SMARCA4: variants seen among roughly 807,000 people sequenced by gnomAD.
SMARCA4 encodes SWI/SNF-related matrix-associated actin-dependent regulator of chromatin subfamily A member 4.
In SMARCA4, 31 loss-of-function variants were observed where a neutral mutation model predicts 193.9. That is an observed-to-expected ratio of 0.16 (90% CI 0.12 to 0.22). SMARCA4 has a LOEUF of 0.22. Ranked by LOEUF, SMARCA4 falls within the 10% of genes least tolerant of loss-of-function variation. SMARCA4 has a pLI of 1.00. For missense variants in SMARCA4, 1,148 were observed against 2,296.0 expected, an observed-to-expected ratio of 0.50 and a Z score of 10.22; for synonymous variants, 942 against 933.1, an observed-to-expected ratio of 1.01 and a Z score of -0.17.
chr19:10,976,820 C>G (rs1410082269), intron 1 of SMARCA4, among the ~76,000 whole-genome samples: 1 of 143,272 alleles, frequency 7.0e-6, no homozygotes, highest in African/African-American at 2.6e-5. Context: ...TTTGGGAGGC[C>G]GAGGCAGGCG....
At position 10,985,309 on chromosome 19, in the gene SMARCA4, G is replaced by A. The variant is rs1366085446; in HGVS notation, c.259G>A (p.Asp87Asn). The A allele has an allele frequency of 1.2e-6, 2 of 1,614,020 alleles. No individual in the cohort carries two copies. Among genetic ancestry groups the A allele is most frequent in the Non-Finnish European group, 1.7e-6 (2 of 1,180,006 alleles). Residue 87 changes from aspartate to asparagine, a missense_variant, in exon 3 of 35, where the codon GAC (aspartate) becomes AAC (asparagine). Asp to Asn is a conservative substitution (Grantham distance 23). Coordinates refer to ENST00000344626, the MANE Select transcript of SMARCA4 (RefSeq NM_003072.5). The surrounding 1 kb of genome is among the most constrained non-coding windows in gnomAD (Gnocchi z 4.5). ...ESMHEKGMSD[D>N]PRYNQMKGMG... Reference sequence around the variant, plus strand: ...CATGCATGAGAAGGGCATGTCGGACGACCCGCGCTACAACCAGATGAAAGG... The same window carrying A: ...CATGCATGAGAAGGGCATGTCGGACAACCCGCGCTACAACCAGATGAAAGG...
chr19:10,992,618 C>T (rs1473745065), intron 8 of SMARCA4, among the ~76,000 whole-genome samples: 1 of 151,304 alleles, frequency 6.6e-6, no homozygotes, highest in Non-Finnish European at 1.5e-5. Flanking sequence ...GACAGAGTTT[C>T]ACTCTTGTTG....
At chr19:10,976,266 C>T (rs957610470) in intron 1 of SMARCA4, among the ~76,000 whole-genome samples, 1 of 152,154 alleles carries the variant, frequency 6.6e-6, no homozygotes, top group African/African-American at 2.4e-5. Flanking sequence ...TGGCCGTGCT[C>T]GTTTGGCCTT....
rs2075575227 is a variant in SMARCA4, at chr19:11,041,047, T to G, written c.4171-260T>G. The G allele has an allele frequency of 1.9e-6, 1 of 515,884 alleles. No homozygotes were observed. Among genetic ancestry groups the G allele is most frequent in the African/African-American group, 1.9e-5 (1 of 52,502 alleles). 32.0% of individuals were successfully genotyped at this position (515,884 alleles called of 1,614,324 possible). ...TACAGAGAAGATAGTTCTTTTTTTTTGGTCAAGAAATTCAACCATTAGTTT... is the reference window on the plus strand; with the variant it reads ...TACAGAGAAGATAGTTCTTTTTTTTGGGTCAAGAAATTCAACCATTAGTTT... On this transcript the variant is annotated intron_variant, in intron 29 of 34. Coordinates refer to ENST00000344626, the MANE Select transcript of SMARCA4 (RefSeq NM_003072.5). This position sits in a 1 kb window ranked among gnomAD's most constrained non-coding sequence, Gnocchi z 5.6.
chr19:11,027,698 CG>C, intron 23 of SMARCA4, 85 bp from the exon 24 acceptor site: 1 of 1,461,184 alleles, frequency 6.8e-7, no homozygotes, highest in Non-Finnish European at 9.6e-7. Context: ...GGCCTGGAGG[CG>C]GGCGATGCAC....
chr19:10,987,868 C>T lies in SMARCA4; in HGVS notation c.1062C>T (p.Pro354=), dbSNP rs1555755238. The T allele has an allele frequency of 1.2e-6, 2 of 1,612,990 alleles. No individual in the cohort carries two copies. The change falls in exon 6 of 35, where the codon CCC becomes CCT. Residue 354 remains proline, a synonymous_variant. Coordinates refer to ENST00000344626, the MANE Select transcript of SMARCA4 (RefSeq NM_003072.5). This position sits in a 1 kb window ranked among gnomAD's most constrained non-coding sequence, Gnocchi z 5.3. ...PLHQKQSRIT[P]IQKPRGLDPV... ...ACCAGAAGCAGAGCCGCATCACCCC[C>T]ATCCAGAAGCCGCGGGGCCTCGACC...
chr19:11,024,650 C>G (rs895119299), intron 21 of SMARCA4, among the ~76,000 whole-genome samples: 7 of 152,150 alleles, frequency 4.6e-5, no homozygotes, highest in Admixed American at 4.6e-4. Flanking sequence ...GAAACACTGG[C>G]TCCTTCTGCA....
intron 19 of SMARCA4, among the ~76,000 whole-genome samples, chr19:11,023,239 G>A (rs967589524): frequency 6.6e-6 from 1 of 152,228 alleles, no homozygotes; most frequent in Non-Finnish European, 1.5e-5. Flanking sequence ...GCTGCCGGGG[G>A]TCTTTCTGGT....
intron 14 of SMARCA4, among the ~76,000 whole-genome samples, chr19:11,009,728 G>A (rs1037671448): frequency 1.0e-4 from 14 of 133,812 alleles, no homozygotes; most frequent in Non-Finnish European, 1.7e-4. Flanking sequence ...TTGCTCTGTC[G>A]CCCAGGCTAG....
chr19:11,026,468 CAGA>C, intron 23 of SMARCA4, 122 bp downstream of exon 23: 2 of 710,516 alleles, frequency 2.8e-6, no homozygotes, highest in Middle Eastern at 2.4e-4. Flanking sequence ...TTAGAAAATA[CAGA>C]AGAATCCAAA....
chr19:11,028,876 C>T (rs1022892209), intron 24 of SMARCA4, among the ~76,000 whole-genome samples: 1 of 152,196 alleles, frequency 6.6e-6, no homozygotes, highest in Non-Finnish European at 1.5e-5. Flanking sequence ...TTTGTTGTTC[C>T]CTACACGACC....
rs568182964 is a variant in SMARCA4, at chr19:11,034,629, G to A, written c.3952-285G>A. Among the ~76,000 whole-genome samples the A allele has an allele frequency of 6.6e-6, 1 of 152,122 alleles. No individual in the cohort carries two copies. Among genetic ancestry groups the A allele is most frequent in the Non-Finnish European group, 1.5e-5 (1 of 68,016 alleles). ...CCGCAGGCCTCATGCCTCCACCAAC[G>A]CTGGGCCACGCAGCTGCTGCCCCCC... On this transcript the variant is annotated intron_variant, in intron 28 of 34. Transcript: ENST00000344626. The surrounding 1 kb of genome is among the most constrained non-coding windows in gnomAD (Gnocchi z 7.0).
intron 14 of SMARCA4, among the ~76,000 whole-genome samples, chr19:11,009,849 C>T (rs1373450154): frequency 4.6e-5 from 7 of 152,112 alleles, no homozygotes; most frequent in Non-Finnish European, 8.8e-5. Context: ...CCACCACGCC[C>T]GGCTAATTTT....
intron 16 of SMARCA4, among the ~76,000 whole-genome samples, chr19:11,014,415 G>A (rs1041252304): frequency 9.2e-5 from 14 of 152,204 alleles, no homozygotes; most frequent in African/African-American, 1.2e-4. Flanking sequence ...CCTACGTGGC[G>A]GGTAGAACAG....
chr19:11,045,339 C>G (rs923413953), intron 30 of SMARCA4, among the ~76,000 whole-genome samples: 2 of 152,014 alleles, frequency 1.3e-5, no homozygotes, highest in Non-Finnish European at 2.9e-5. Flanking sequence ...AGAGGGCCTA[C>G]TGTGTGCCTC....
At position 11,031,298 on chromosome 19, in the gene SMARCA4, G is replaced by A. The variant is rs561906507; in HGVS notation, c.3546+405G>A. On this transcript the variant is annotated intron_variant, in intron 25 of 34. Coordinates refer to ENST00000344626, the MANE Select transcript of SMARCA4 (RefSeq NM_003072.5). The surrounding 1 kb of genome is among the most constrained non-coding windows in gnomAD (Gnocchi z 4.3). ...TTGGGGGTAAACTCCATGCCACTTC[G>A]TTTACTTCCTCCTCTTGTTCCATAA... is the stretch of plus-strand genomic sequence containing the variant. The A allele has an allele frequency of 1.3e-4, 37 of 281,836 alleles. No homozygotes were observed. Among genetic ancestry groups the A allele is most frequent in the African/African-American group, 6.7e-4 (31 of 46,214 alleles). 17.5% of individuals were successfully genotyped at this position (281,836 alleles called of 1,614,324 possible).
intron 1 of SMARCA4, among the ~76,000 whole-genome samples, chr19:10,964,333 G>A (rs759662209): frequency 6.6e-6 from 1 of 151,402 alleles, no homozygotes; most frequent in Non-Finnish European, 1.5e-5. Context: ...TTTTTGAGAC[G>A]GAATCTTACT....
intron 13 of SMARCA4, among the ~76,000 whole-genome samples, chr19:11,006,006 G>T (rs2088165590): frequency 6.6e-6 from 1 of 152,104 alleles, no homozygotes; most frequent in Admixed American, 6.5e-5. Flanking sequence ...TGATTTTCTT[G>T]CCTAAAATGT....
At chr19:10,990,197 A>G (rs1177541042) in intron 7 of SMARCA4, among the ~76,000 whole-genome samples, 1 of 151,854 alleles carries the variant, frequency 6.6e-6, no homozygotes, top group Non-Finnish European at 1.5e-5. Flanking sequence ...TCTGTCACCC[A>G]GGCTGGAGTG....
Sources: gnomAD v4.1 joint callset for allele counts (sites outside exome capture counted in the v4.1 genomes callset) on GRCh38, gnomAD v4.1.1 for gene constraint, Gnocchi (gnomAD v3.1) non-coding constraint, MANE v1.5 for transcripts, NCBI Gene and HGNC (gene_info 2026-07-23, HGNC 2026-07-21) for gene names.